Variants in MAP2K4 observed in about 807,000 individuals in gnomAD.
The protein encoded by MAP2K4 is dual specificity mitogen-activated protein kinase kinase 4.
Under a neutral mutation model 48.5 loss-of-function variants are expected in MAP2K4, and 4 were observed. That is an observed-to-expected ratio of 0.08 (90% CI 0.04 to 0.19). The LOEUF is 0.19. Among genes scored for constraint, MAP2K4 ranks in the 10% least tolerant of loss-of-function variants. The probability of loss-of-function intolerance (pLI) is 1.00; values close to 1 mark genes in which losing one functional copy is unlikely to be tolerated. For synonymous variants in MAP2K4, 166 were observed against 173.1 expected, an observed-to-expected ratio of 0.96 and a Z score of 0.32; for missense variants, 258 against 493.3, an observed-to-expected ratio of 0.52 and a Z score of 4.52.
intron 7 of MAP2K4, among the ~76,000 whole-genome samples, chr17:12,122,173 C>T (rs1047454924): frequency 3.3e-5 from 5 of 152,222 alleles, no homozygotes; most frequent in African/African-American, 7.2e-5. Context: ...GTAGCTATTC[C>T]GTTCACCTTA....
chr17:12,133,779 A>T (rs1973116521), intron 9 of MAP2K4, among the ~76,000 whole-genome samples: 1 of 152,198 alleles, frequency 6.6e-6, no homozygotes, highest in African/African-American at 2.4e-5. Context: ...CACTAGGACG[A>T]TATAAGACCC....
At position 12,033,815 on chromosome 17, in the gene MAP2K4, T is replaced by C. The variant is rs79851928; in HGVS notation, c.115+12814T>C. On this transcript the variant is annotated intron_variant, in intron 1 of 10. Transcript: ENST00000353533. ...TTAATGAAAAAAAAAGGCTGTCTTC[T>C]ATTTTTGTTCATTTCGGAGACAGAG... Among the ~76,000 whole-genome samples, 298 of 152,332 alleles carry C rather than the reference T, an allele frequency of 2.0e-3. 2 individuals are homozygous for C. Among genetic ancestry groups the C allele is most frequent in the African/African-American group, 6.6e-3 (275 of 41,574 alleles).
intron 2 of MAP2K4, among the ~76,000 whole-genome samples, chr17:12,059,143 G>GTTGTT (rs1970373413): frequency 6.6e-6 from 1 of 152,138 alleles, no homozygotes; most frequent in African/African-American, 2.4e-5. Flanking sequence ...TATTATAATA[G>GTTGTT]AGACTCTTGT....
At chr17:12,100,750 G>A (rs1303590406) in intron 4 of MAP2K4, among the ~76,000 whole-genome samples, 2 of 152,002 alleles carry the variant, frequency 1.3e-5, no homozygotes, top group African/African-American at 2.4e-5. Flanking sequence ...TTAATCTTTA[G>A]CCGTTCTAGT....
At chr17:12,080,119 T>C (rs1414909680) in intron 2 of MAP2K4, among the ~76,000 whole-genome samples, 1 of 152,202 alleles carries the variant, frequency 6.6e-6, no homozygotes, top group African/African-American at 2.4e-5. Flanking sequence ...GTACATACGA[T>C]TATTCTCAGA....
At chr17:12,065,797 T>C (rs1970598496) in intron 2 of MAP2K4, among the ~76,000 whole-genome samples, 1 of 152,232 alleles carries the variant, frequency 6.6e-6, no homozygotes, top group Non-Finnish European at 1.5e-5. Flanking sequence ...TGTGGTTTTC[T>C]GTCCTTGTTC....
intron 7 of MAP2K4, among the ~76,000 whole-genome samples, chr17:12,117,204 G>A (rs1030402275): frequency 3.7e-4 from 56 of 152,138 alleles, no homozygotes; most frequent in African/African-American, 1.3e-3. Flanking sequence ...ACATAACCAC[G>A]ATATCATTAC....
rs1293306404 is a variant in MAP2K4, at chr17:12,114,998, A to T, written c.813+1638A>T. On this transcript the variant is annotated intron_variant, in intron 7 of 10. Transcript: ENST00000353533. ...ATTCTCATCTTTCAAAGCCTGTTAT[A>T]GATAGACAAGAACTCAATCAATGTT... 2.0e-5 allele frequency among the ~76,000 whole-genome samples: 3 copies of T among 152,230 alleles called. No homozygotes were observed. In the East Asian group the frequency reaches 5.8e-4, roughly 29 times the overall value.
At chr17:12,041,622 A>G (rs1429084718) in intron 1 of MAP2K4, among the ~76,000 whole-genome samples, 1 of 152,216 alleles carries the variant, frequency 6.6e-6, no homozygotes, top group African/African-American at 2.4e-5. Context: ...GAGAACCTGC[A>G]TAACATCCAG....
At chr17:12,110,289 C>T (rs1972260914) in intron 5 of MAP2K4, 86 bp from the exon 6 acceptor site, 3 of 892,658 alleles carry the variant, frequency 3.4e-6, no homozygotes, top group East Asian at 4.8e-5. Context: ...CAGAGGACTA[C>T]ACGGGATATT....
intron 10 of MAP2K4, among the ~76,000 whole-genome samples, 175 bp downstream of exon 10, chr17:12,140,059 T>C (rs915245247): frequency 2.0e-5 from 3 of 152,246 alleles, no homozygotes; most frequent in Non-Finnish European, 2.9e-5. Context: ...TTTGCAGTTA[T>C]AATTTTTCTA....
chr17:12,049,162 G>A (rs1334812100), intron 1 of MAP2K4, among the ~76,000 whole-genome samples: 1 of 152,146 alleles, frequency 6.6e-6, no homozygotes, highest in Non-Finnish European at 1.5e-5. Flanking sequence ...AATTATTCCA[G>A]GTAATCTTTC....
chr17:12,083,295 A>G (rs1597449431), intron 3 of MAP2K4, among the ~76,000 whole-genome samples: 2 of 152,198 alleles, frequency 1.3e-5, no homozygotes, highest in East Asian at 3.8e-4. Flanking sequence ...ATGCTTACTC[A>G]AGTTTTGTAG....
chr17:12,133,537 T>C (rs1171629086), intron 9 of MAP2K4, among the ~76,000 whole-genome samples: 1 of 152,236 alleles, frequency 6.6e-6, no homozygotes, highest in Non-Finnish European at 1.5e-5. Flanking sequence ...GTGATTTTGC[T>C]CTCCTCAGAT....
At chr17:12,097,461 A>C (rs781488673) in intron 4 of MAP2K4, among the ~76,000 whole-genome samples, 1 of 152,276 alleles carries the variant, frequency 6.6e-6, no homozygotes, top group Non-Finnish European at 1.5e-5. Context: ...AAGCAGAGTA[A>C]GTCATATTCA....
chr17:12,032,221 T>C (rs1969461599), intron 1 of MAP2K4: 1 of 1,165,142 alleles, frequency 8.6e-7, no homozygotes, highest in South Asian at 1.9e-5. Flanking sequence ...TTTTGGTTTG[T>C]TTGATTTACA....
At chr17:12,107,076 G>A (rs1245616418) in intron 4 of MAP2K4, among the ~76,000 whole-genome samples, 2 of 152,064 alleles carry the variant, frequency 1.3e-5, no homozygotes, top group Non-Finnish European at 2.9e-5. Flanking sequence ...AATCTATAAT[G>A]CAAGAAATGT....
At chr17:12,022,921 T>C (rs1969135186) in intron 1 of MAP2K4, among the ~76,000 whole-genome samples, 1 of 152,134 alleles carries the variant, frequency 6.6e-6, no homozygotes, top group Non-Finnish European at 1.5e-5. Flanking sequence ...TGTATGAAGG[T>C]TCCAAAGCAG....
intron 7 of MAP2K4, among the ~76,000 whole-genome samples, chr17:12,121,057 C>T (rs559362803): frequency 1.2e-4 from 18 of 152,202 alleles, no homozygotes; most frequent in East Asian, 3.9e-4. Flanking sequence ...ATTCCGAGTC[C>T]GGAATGATGG....
Sources: allele counts gnomAD v4.1 joint callset (sites outside exome capture counted in the v4.1 genomes callset), GRCh38; gene constraint gnomAD v4.1.1; transcripts MANE v1.5; gene names NCBI Gene and HGNC (gene_info 2026-07-23, HGNC 2026-07-21).